The following ARHGEF12 variants were observed in gnomAD, a reference collection of about 807,000 sequenced individuals.
The protein encoded by ARHGEF12 is Rho guanine nucleotide exchange factor 12, also known as KMT2A/ARHGEF12 fusion protein.
Under a neutral mutation model 211.2 loss-of-function variants are expected in ARHGEF12, and 66 were observed. That is an observed-to-expected ratio of 0.31 (90% CI 0.26 to 0.38). The LOEUF is 0.38. Among genes scored for constraint, ARHGEF12 ranks in the 10% least tolerant of loss-of-function variants. The pLI is 1.00. For missense variants in ARHGEF12, 1,429 were observed against 1,869.5 expected (o/e 0.76, Z 4.34); for synonymous variants, 592 against 638.4 (o/e 0.93, Z 1.09).
intron 23 of ARHGEF12, 81 bp downstream of exon 23, chr11:120,457,331 T>A: frequency 1.3e-6 from 2 of 1,503,634 alleles, no homozygotes; most frequent in South Asian, 1.3e-5. Flanking sequence ...CTTAGTAGCA[T>A]TCTAGCACTG....
At chr11:120,398,873 C>T (rs1281036863) in intron 1 of ARHGEF12, among the ~76,000 whole-genome samples, 1 of 151,852 alleles carries the variant, frequency 6.6e-6, no homozygotes, top group Non-Finnish European at 1.5e-5. Context: ...ATTCGTATAA[C>T]CTCTAAATTT....
intron 1 of ARHGEF12, among the ~76,000 whole-genome samples, chr11:120,344,283 A>C (rs1267420264): frequency 6.0e-5 from 9 of 151,200 alleles, no homozygotes; most frequent in African/African-American, 7.3e-5. Context: ...AAAAAAAAAA[A>C]AAAAAAAAAA....
chr11:120,460,795 G>T, intron 27 of ARHGEF12, 38 bp downstream of exon 27: 1 of 1,523,046 alleles, frequency 6.6e-7, no homozygotes. Flanking sequence ...TATTTTTATG[G>T]ACACTTGATG....
At chr11:120,346,724 A>G (rs1488219228) in intron 1 of ARHGEF12, among the ~76,000 whole-genome samples, 1 of 152,202 alleles carries the variant, frequency 6.6e-6, no homozygotes, top group Non-Finnish European at 1.5e-5. Context: ...GGGAAATTCA[A>G]ACATAAACAG....
intron 26 of ARHGEF12, among the ~76,000 whole-genome samples, chr11:120,460,151 A>G (rs918843706): frequency 1.3e-5 from 2 of 152,146 alleles, no homozygotes; most frequent in African/African-American, 4.8e-5. Flanking sequence ...ATAGGTCACT[A>G]TTTCTCTATG....
intron 4 of ARHGEF12, chr11:120,411,232 C>T (rs890779487): frequency 6.6e-6 from 1 of 152,164 alleles, no homozygotes; most frequent in African/African-American, 2.4e-5. Context: ...ACTGAGTCCA[C>T]AAGTCCTCAA....
At position 120,480,317 on chromosome 11, in the gene ARHGEF12, A is replaced by T. The variant is rs769184861; in HGVS notation, c.4124A>T (p.Asp1375Val). ...ACCATGGAGCCAGAAGGGGGTCTTG[A>T]TGACAGTGGAGAGCACTTTTTTGAT... ...MPTMEPEGGL[D>V]DSGEHFFDAR... Residue 1375 changes from aspartate (D) to valine (V), a missense_variant, in exon 38 of 41, where the codon GAT becomes GTT. Physicochemically the swap from Asp to Val is radical, Grantham distance 152 (BLOSUM62 -3). Coordinates refer to ENST00000397843, the MANE Select transcript of ARHGEF12 (RefSeq NM_015313.3). The T allele has an allele frequency of 6.2e-6, 10 of 1,614,206 alleles. No individual in the cohort carries two copies. In the South Asian group the frequency reaches 1.1e-4, roughly 18 times the overall value.
In ARHGEF12 at chr11:120,421,429, G is replaced by GTTT. The variant is rs1175598503; in HGVS notation, c.299-364_299-362dup. ...ATGTAAAGTCTGACTTTACAGCCTT[G>GTTT]TTTTTTTTTTTTGTTTTTTTTTTTT... On this transcript the variant is annotated intron_variant, in intron 5 of 40. Coordinates refer to ENST00000397843, the MANE Select transcript of ARHGEF12 (RefSeq NM_015313.3). Among the ~76,000 whole-genome samples, 247 of 79,856 alleles carry GTTT rather than the reference G, an allele frequency of 3.1e-3. 49 individuals are homozygous for GTTT. The highest frequency in any genetic ancestry group is 8.2e-3 in the African/African-American group (170 of 20,766). The allele number at this position is 79,856 out of a possible 152,430, so 52.4% of individuals were successfully genotyped here.
At chr11:120,342,540 C>A (rs1414349117) in intron 1 of ARHGEF12, among the ~76,000 whole-genome samples, 4 of 152,146 alleles carry the variant, frequency 2.6e-5, no homozygotes, top group Non-Finnish European at 5.9e-5. Context: ...TTCTGTTGAT[C>A]CATTGTCTAA....
intron 3 of ARHGEF12, 56 bp downstream of exon 3, chr11:120,407,879 T>C: frequency 6.7e-7 from 1 of 1,492,176 alleles, no homozygotes; most frequent in Non-Finnish European, 9.3e-7. Flanking sequence ...TTCAGAATAA[T>C]AGAGCTTAAG....
intron 30 of ARHGEF12, 118 bp from the exon 31 acceptor site, chr11:120,472,932 G>T: frequency 1.2e-6 from 1 of 820,518 alleles, no homozygotes; most frequent in Admixed American, 1.8e-5. Flanking sequence ...TGAGATTACA[G>T]GTGTGAGCCA....
chr11:120,337,794 C>T (rs1483688611), intron 1 of ARHGEF12: 1 of 985,330 alleles, frequency 1.0e-6, no homozygotes. Flanking sequence ...TATCTAATAA[C>T]TTTCCAGAAT....
chr11:120,380,617 T>C (rs1943852248), intron 1 of ARHGEF12, among the ~76,000 whole-genome samples: 1 of 152,220 alleles, frequency 6.6e-6, no homozygotes, highest in South Asian at 2.1e-4. Context: ...GGGTGCATGA[T>C]GTCCACGTGG....
At chr11:120,394,848 A>G (rs901245003) in intron 1 of ARHGEF12, among the ~76,000 whole-genome samples, 13 of 151,968 alleles carry the variant, frequency 8.6e-5, no homozygotes, top group Non-Finnish European at 1.9e-4. Flanking sequence ...ACTTGAGGCA[A>G]GGAGTTCAAG....
intron 16 of ARHGEF12, 73 bp downstream of exon 16, chr11:120,445,537 T>A: frequency 2.1e-6 from 3 of 1,428,008 alleles, no homozygotes; most frequent in Non-Finnish European, 3.0e-6. Context: ...CTGTTCAGGT[T>A]TTATCTGTCA....
At chr11:120,372,536 T>C (rs1232150446) in intron 1 of ARHGEF12, among the ~76,000 whole-genome samples, 2 of 152,196 alleles carry the variant, frequency 1.3e-5, no homozygotes, top group Non-Finnish European at 2.9e-5. Context: ...TGCTCTCAAA[T>C]ACATCTAGGC....
At chr11:120,419,028 G>C (rs963479905) in intron 4 of ARHGEF12, among the ~76,000 whole-genome samples, 1 of 149,592 alleles carries the variant, frequency 6.7e-6, no homozygotes, top group Non-Finnish European at 1.5e-5. Context: ...GGCTGGACCC[G>C]CCTCCCAGGT....
At chr11:120,416,393 G>A (rs1565464678) in intron 4 of ARHGEF12, among the ~76,000 whole-genome samples, 1 of 152,168 alleles carries the variant, frequency 6.6e-6, no homozygotes, top group South Asian at 2.1e-4. Flanking sequence ...ATACAAATCA[G>A]TGTGAGTAAG....
intron 27 of ARHGEF12, among the ~76,000 whole-genome samples, chr11:120,462,198 A>C (rs530596018): frequency 6.6e-5 from 10 of 152,156 alleles, no homozygotes; most frequent in Non-Finnish European, 1.3e-4. Flanking sequence ...CCTAAAGACC[A>C]TTGCAGCATT....
Sources: allele counts gnomAD v4.1 joint callset (sites outside exome capture counted in the v4.1 genomes callset), GRCh38; gene constraint gnomAD v4.1.1; transcripts MANE v1.5; gene names NCBI Gene and HGNC (gene_info 2026-07-23, HGNC 2026-07-21).